The following RPS4X variants were observed in gnomAD, a reference collection of about 807,000 sequenced individuals.
RPS4X encodes ribosomal protein S4 X-linked, also known as small ribosomal subunit protein eS4, X isoform.
For synonymous variants in RPS4X, 76 were observed against 76.8 expected (o/e 0.99, Z 0.06); for missense variants, 90 against 219.1 (o/e 0.41, Z 3.72).
At position 72,277,245 on chromosome X, in the gene RPS4X, A is replaced by T. The variant is rs768728166; in HGVS notation, c.-50T>A. Reference sequence around the variant, plus strand: ...ACCTCCGTCTTCCGGTGCGCGTAGAAATTGGGGCTGGAGACTGCGCGCGCC... The same window carrying T: ...ACCTCCGTCTTCCGGTGCGCGTAGATATTGGGGCTGGAGACTGCGCGCGCC... On this transcript the variant is annotated 5_prime_UTR_variant, in exon 1 of 7. Transcript: ENST00000316084. 8.4e-7 allele frequency: 1 copy of T among 1,194,891 alleles called. No homozygotes were observed. The highest frequency in any genetic ancestry group is 1.8e-5 in the South Asian group (1 of 55,271).
intron 4 of RPS4X, 83 bp from the exon 5 acceptor site, chrX:72,274,055 C>G (rs1200519505): frequency 2.5e-5 from 21 of 837,147 alleles, no homozygotes; most frequent in Non-Finnish European, 3.5e-5. Flanking sequence ...GGTTCCCTAA[C>G]TGCTGCAGAT....
chrX:72,276,315 T>C (rs2043203522), intron 1 of RPS4X, 81 bp from the exon 2 acceptor site: 1 of 693,010 alleles, frequency 1.4e-6, no homozygotes, highest in African/African-American at 2.2e-5. Flanking sequence ...ACTCTTAGTT[T>C]AGTTTCATCT....
chrX:72,273,494 T>C (rs1018346646), intron 5 of RPS4X, 105 bp from the exon 6 acceptor site: 68 of 831,288 alleles, frequency 8.2e-5, no homozygotes, highest in Non-Finnish European at 1.1e-4. Flanking sequence ...CATTTGAATT[T>C]CCTCATATGG....
At position 72,272,650 on chromosome X, in the gene RPS4X, CAT is replaced by C; in HGVS notation, c.*19_*20del. 3 of 1,069,820 alleles carry C rather than the reference CAT, an allele frequency of 2.8e-6. No homozygotes were observed. Among genetic ancestry groups the C allele is most frequent in the Non-Finnish European group, 3.9e-6 (3 of 771,919 alleles). The allele number at this position is 1,069,820 out of a possible 1,213,427, so 88.2% of individuals were successfully genotyped here. ...TTTTTAATTACGTACAAAGATCTGA[CAT>C]GTCACCCAGGGACCCATTTCACCCA... On this transcript the variant is annotated 3_prime_UTR_variant, in exon 7 of 7. Coordinates refer to ENST00000316084, the MANE Select transcript of RPS4X (RefSeq NM_001007.5).
At position 72,275,590 on chromosome X, in the gene RPS4X, G is replaced by T; in HGVS notation, c.216C>A (p.Ile72=). 3 of 1,210,599 alleles carry T rather than the reference G, an allele frequency of 2.5e-6. No individual in the cohort carries two copies. Among genetic ancestry groups the T allele is most frequent in the African/African-American group, 1.7e-5 (1 of 57,622 alleles). Residue 72 remains isoleucine (I), a synonymous_variant, in exon 3 of 7, where the codon ATC becomes ATA. Coordinates refer to ENST00000316084, the MANE Select transcript of RPS4X (RefSeq NM_001007.5). The part of the protein sequence containing the change: ...KKICMQRFIK[I]DGKVRTDITY... ...TTATATCAGTTCGGACCTTGCCATCGATTTTAATGAACCGCTGCATGCAAA... is the reference window on the plus strand; with the variant it reads ...TTATATCAGTTCGGACCTTGCCATCTATTTTAATGAACCGCTGCATGCAAA...
chrX:72,274,512 T>C (rs967739716), intron 4 of RPS4X: 4 of 332,240 alleles, frequency 1.2e-5, no homozygotes, highest in Non-Finnish European at 1.8e-5. Flanking sequence ...CAAACAGCCC[T>C]AAACTTTTGT....
intron 3 of RPS4X, 48 bp from the exon 4 acceptor site, chrX:72,275,198 C>T (rs374743770): frequency 1.8e-5 from 16 of 874,283 alleles, no homozygotes; most frequent in Non-Finnish European, 2.3e-5. Flanking sequence ...TCCCCACTAC[C>T]TCATGCCGAG....
intron 6 of RPS4X, 120 bp downstream of exon 6, chrX:72,273,112 C>T: frequency 1.5e-6 from 1 of 665,224 alleles, no homozygotes; most frequent in Admixed American, 3.2e-5. Flanking sequence ...TGAGTCCTAT[C>T]CAGAAGAGGC....
intron 6 of RPS4X, 97 bp from the exon 7 acceptor site, chrX:72,272,869 G>A: frequency 1.7e-6 from 1 of 592,285 alleles, no homozygotes; most frequent in Non-Finnish European, 2.7e-6. Flanking sequence ...CAGAACTGAA[G>A]CCTGTTTGTG....
At chrX:72,273,661 TCTGAGCATTTGTGCCTCTGGCTATAA>T (rs2043189892) in intron 5 of RPS4X, 114 bp downstream of exon 5, 5 of 530,225 alleles carry the variant, frequency 9.4e-6, no homozygotes, top group Non-Finnish European at 1.5e-5. Context: ...AAATGAGTAT[TCTGAGCATTTGTGCCTCTGGCTATAA>T]ACACACCTGG....
chrX:72,276,010 T>C, intron 2 of RPS4X, 147 bp downstream of exon 2: 3 of 508,951 alleles, frequency 5.9e-6, no homozygotes, highest in Non-Finnish European at 6.8e-6. Context: ...TTAAATCGAT[T>C]GGAAGTGGAG....
chrX:72,275,757 A>T (rs2043200452), intron 2 of RPS4X, 33 bp from the exon 3 acceptor site: 1 of 1,126,005 alleles, frequency 8.9e-7, no homozygotes, highest in South Asian at 2.0e-5. Context: ...CACTGTTGGG[A>T]TTCACTAAAG....
At chrX:72,276,039 C>A (rs900423019) in intron 2 of RPS4X, 118 bp downstream of exon 2, 1 of 574,169 alleles carries the variant, frequency 1.7e-6, no homozygotes, top group East Asian at 3.6e-5. Flanking sequence ...GATAGTATAG[C>A]TCCTTCAAGG....
At chrX:72,272,835 T>C (rs1248788425) in intron 6 of RPS4X, 63 bp from the exon 7 acceptor site, 2 of 779,079 alleles carry the variant, frequency 2.6e-6, no homozygotes, top group Admixed American at 5.0e-5. Flanking sequence ...GCTTGGCACA[T>C]GCTACATTTG....
At chrX:72,275,203 G>T in intron 3 of RPS4X, 53 bp from the exon 4 acceptor site, 1 of 825,825 alleles carries the variant, frequency 1.2e-6, no homozygotes, top group Non-Finnish European at 1.8e-6. Flanking sequence ...ACTACCTCAT[G>T]CCGAGCAACA....
chrX:72,276,031 T>A, intron 2 of RPS4X, 126 bp downstream of exon 2: 1 of 544,002 alleles, frequency 1.8e-6, no homozygotes, highest in Non-Finnish European at 3.1e-6. Context: ...GACAGCTAGA[T>A]AGTATAGCTC....
Position 72,275,635 on chromosome X carries a change from T to C in RPS4X, c.171A>G (p.Thr57=). The C allele has an allele frequency of 3.3e-6, 4 of 1,208,629 alleles. No homozygotes were observed. Among genetic ancestry groups the C allele is most frequent in the Non-Finnish European group, 4.5e-6 (4 of 892,787 alleles). ...TGCAAATCTTCTTTACTTCATCTCC[T>C]GTCAGGGCATACTTAAGTCTGTTCC... ...FLRNRLKYAL[T]GDEVKKICMQ... The change falls in exon 3 of 7, where the codon ACA becomes ACG. Residue 57 remains threonine (T), a synonymous_variant. Coordinates refer to ENST00000316084, the MANE Select transcript of RPS4X (RefSeq NM_001007.5).
chrX:72,273,699 C>A, intron 5 of RPS4X, 102 bp downstream of exon 5: 2 of 672,416 alleles, frequency 3.0e-6, no homozygotes, highest in South Asian at 2.8e-5. Context: ...CACACCTGGG[C>A]GATTGGAGCA....
At chrX:72,274,991 T>C (rs2147625943) in intron 4 of RPS4X, 62 bp downstream of exon 4, 1 of 733,148 alleles carries the variant, frequency 1.4e-6, no homozygotes, top group Non-Finnish European at 2.1e-6. Context: ...TCGTACTCAA[T>C]GCAGGCCCTT....
Sources: allele counts gnomAD v4.1 joint callset, GRCh38; gene constraint gnomAD v4.1.1; transcripts MANE v1.5; gene names NCBI Gene and HGNC (gene_info 2026-07-23, HGNC 2026-07-21).